Variants in BTBD9 observed in about 807,000 individuals in gnomAD.
The protein encoded by BTBD9 is BTB/POZ domain-containing protein 9.
BTBD9 carries 49 observed loss-of-function variants against 64.3 expected under a neutral mutation model. The observed-to-expected ratio is 0.76, with a 90% CI of 0.61 to 0.97. BTBD9 has a LOEUF of 0.97. BTBD9 is among the 50% of genes least tolerant of loss of function. BTBD9 has a pLI of 0.00. For missense variants in BTBD9, 598 were observed against 762.1 expected (o/e 0.78, Z 2.53); for synonymous variants, 260 against 274.7 (o/e 0.95, Z 0.53).
intron 5 of BTBD9, among the ~76,000 whole-genome samples, chr6:38,578,215 G>C (rs917709572): frequency 2.6e-5 from 4 of 152,100 alleles, no homozygotes; most frequent in African/African-American, 9.7e-5. Flanking sequence ...CCCTCACAGA[G>C]GGCAGCTTAT....
intron 9 of BTBD9, among the ~76,000 whole-genome samples, chr6:38,193,473 G>T (rs987602392): frequency 6.6e-6 from 1 of 152,158 alleles, no homozygotes; most frequent in African/African-American, 2.4e-5. Flanking sequence ...GGGTGGTTTC[G>T]AAAGCATCCC....
Position 38,588,492 on chromosome 6 carries a change from G to C in BTBD9, c.814+4084C>G, listed in dbSNP as rs1298986474. ...CTAATCCTTATATGTCCTCCCTTTG[G>C]TCAGGGCTATACCAAACCTGGACCT... On this transcript the variant is annotated intron_variant, in intron 4 of 10. Coordinates refer to ENST00000481247, the MANE Select transcript of BTBD9 (RefSeq NM_001099272.2). 2.7e-5 allele frequency: 23 copies of C among 858,084 alleles called. No individual in the cohort carries two copies. In the Admixed American group the frequency reaches 5.3e-4, roughly 20 times the overall value. The allele number at this position is 858,084 out of a possible 1,614,324, so 53.2% of individuals were successfully genotyped here.
chr6:38,504,708 G>A, intron 6 of BTBD9: 1 of 396,994 alleles, frequency 2.5e-6, no homozygotes, highest in South Asian at 1.9e-5. Flanking sequence ...CAGTGTGTAA[G>A]GATGAACACA....
rs1372766238 is a variant in BTBD9 at position 38,467,441 on chromosome 6, A to G, written c.1154+110159T>C. Among the ~76,000 whole-genome samples the G allele has an allele frequency of 1.3e-5, 2 of 152,186 alleles. 1 individual carries two copies. On this transcript the variant is annotated intron_variant, in intron 6 of 10. Coordinates refer to ENST00000481247, the MANE Select transcript of BTBD9 (RefSeq NM_001099272.2). ...TAAAAATCAGAAATTACCTCCCCCC[A>G]TATTAGGCCACAATACCAACTTATA...
rs935082119 is a variant in BTBD9 at position 38,529,870 on chromosome 6, G to A, written c.1154+47730C>T. 5.3e-5 allele frequency among the ~76,000 whole-genome samples: 8 copies of A among 152,082 alleles called. No homozygotes were observed. The East Asian group carries it at 5.8e-4, about 11-fold the overall frequency. On this transcript the variant is annotated intron_variant, in intron 6 of 10. Coordinates refer to ENST00000481247, the MANE Select transcript of BTBD9 (RefSeq NM_001099272.2). ...CCTTGAAAAAGAACAGAATAACAGC[G>A]ATTTTTAGGGAACAAGGGAAGACAA...
In BTBD9 at chr6:38,391,855, T is replaced by G. The variant is rs144408306; in HGVS notation, c.1155-46762A>C. On this transcript the variant is annotated intron_variant, in intron 6 of 10. Transcript: ENST00000481247. ...TCCTCTTACAGCGCCTCTCTCTCAT[T>G]AAACAGTAGCTGATCGATCGGCAAC... Among the ~76,000 whole-genome samples, 290 of 152,230 alleles carry G rather than the reference T, an allele frequency of 1.9e-3. 2 individuals carry two copies. The highest frequency in any genetic ancestry group is 6.7e-3 in the African/African-American group (280 of 41,528).
intron 10 of BTBD9, among the ~76,000 whole-genome samples, chr6:38,183,233 T>A (rs1193193547): frequency 6.6e-6 from 1 of 152,186 alleles, no homozygotes; most frequent in Non-Finnish European, 1.5e-5. Flanking sequence ...CGCCTCGGCC[T>A]CCCAAAGTGC....
intron 6 of BTBD9, among the ~76,000 whole-genome samples, chr6:38,354,990 A>C (rs1764662816): frequency 6.6e-6 from 1 of 152,120 alleles, no homozygotes; most frequent in African/African-American, 2.4e-5. Context: ...ATAGATATGT[A>C]TAATACACTA....
chr6:38,205,633 C>A (rs1362480625), intron 9 of BTBD9, among the ~76,000 whole-genome samples: 1 of 151,922 alleles, frequency 6.6e-6, no homozygotes, highest in Non-Finnish European at 1.5e-5. Flanking sequence ...AAAGGACCAA[C>A]TTAAGATAAA....
intron 7 of BTBD9, among the ~76,000 whole-genome samples, chr6:38,335,969 A>G (rs547151446): frequency 1.7e-4 from 26 of 152,214 alleles, no homozygotes; most frequent in Middle Eastern, 6.8e-3. Context: ...TACTGACCTC[A>G]GGTGATCCAC....
intron 6 of BTBD9, among the ~76,000 whole-genome samples, chr6:38,474,900 C>A (rs1770810419): frequency 6.6e-6 from 1 of 152,046 alleles, no homozygotes; most frequent in African/African-American, 2.4e-5. Flanking sequence ...TTTAAAAAAT[C>A]TCAATCAGAT....
At chr6:38,401,523 A>C (rs1766927566) in intron 6 of BTBD9, among the ~76,000 whole-genome samples, 4 of 152,202 alleles carry the variant, frequency 2.6e-5, no homozygotes, top group Admixed American at 2.6e-4. Flanking sequence ...GGATCCTTTG[A>C]AATTAAAATT....
intron 9 of BTBD9, among the ~76,000 whole-genome samples, chr6:38,228,584 A>C (rs1763490479): frequency 6.6e-6 from 1 of 151,254 alleles, no homozygotes; most frequent in Non-Finnish European, 1.5e-5. Context: ...TAAAAAAAAA[A>C]CAGTCTCTAG....
Position 38,593,974 on chromosome 6 carries a change from G to A in BTBD9, c.539C>T (p.Ser180Phe), listed in dbSNP as rs1554178224. Residue 180 changes from serine (S) to phenylalanine (F), a missense_variant, in exon 3 of 11, where the codon TCC (serine) becomes TTC (phenylalanine). Coordinates refer to ENST00000481247, the MANE Select transcript of BTBD9 (RefSeq NM_001099272.2). ...QEVLSSEGFL[S>F]LSKTALLNIV... ...AGACAAATGACACACCTTAGAAAGG[G>A]AGAGGAAACCTTCACTTGAGAGGAC... The A allele has an allele frequency of 6.8e-6, 11 of 1,612,132 alleles. No homozygotes were observed. Among genetic ancestry groups the A allele is most frequent in the South Asian group, 1.1e-5 (1 of 90,580 alleles).
chr6:38,592,466 C>A, intron 4 of BTBD9, 110 bp downstream of exon 4: 2 of 1,176,812 alleles, frequency 1.7e-6, no homozygotes, highest in Non-Finnish European at 2.4e-6. Context: ...TATAAACGTA[C>A]ATATTTCATG....
At chr6:38,575,007 T>C (rs1174435236) in intron 6 of BTBD9, among the ~76,000 whole-genome samples, 1 of 152,222 alleles carries the variant, frequency 6.6e-6, no homozygotes, top group Non-Finnish European at 1.5e-5. Context: ...GGTATCATTT[T>C]TGTAAATGTA....
intron 7 of BTBD9, among the ~76,000 whole-genome samples, chr6:38,332,842 T>C (rs1763733189): frequency 1.3e-5 from 2 of 152,244 alleles, no homozygotes; most frequent in African/African-American, 4.8e-5. Context: ...TTTAAAAATT[T>C]ATAGTTTCTT....
At chr6:38,474,686 C>T (rs1770800682) in intron 6 of BTBD9, among the ~76,000 whole-genome samples, 1 of 152,142 alleles carries the variant, frequency 6.6e-6, no homozygotes, top group Non-Finnish European at 1.5e-5. Flanking sequence ...CATCAGTTCT[C>T]AAAGCTCTTT....
intron 8 of BTBD9, among the ~76,000 whole-genome samples, chr6:38,278,744 T>C (rs1761388329): frequency 1.3e-5 from 2 of 152,216 alleles, no homozygotes; most frequent in South Asian, 4.1e-4. Flanking sequence ...AATTAAACTG[T>C]ACAGAAGGTC....
Sources: allele counts gnomAD v4.1 joint callset (sites outside exome capture counted in the v4.1 genomes callset), GRCh38; gene constraint gnomAD v4.1.1; transcripts MANE v1.5; gene names NCBI Gene and HGNC (gene_info 2026-07-23, HGNC 2026-07-21).